Variants in MAP7D2 observed in about 807,000 individuals in gnomAD.
The protein encoded by MAP7D2 is MAP7 domain-containing protein 2.
In MAP7D2, 33 loss-of-function variants were observed where a neutral mutation model predicts 63.5. The observed-to-expected ratio is 0.52, with a 90% CI of 0.39 to 0.70. The LOEUF (loss-of-function observed/expected upper bound fraction) is 0.70. MAP7D2 is among the 30% of genes least tolerant of loss of function. The pLI is 0.00. For missense variants in MAP7D2, 626 were observed against 604.0 expected, an observed-to-expected ratio of 1.04 and a Z score of -0.38; for synonymous variants, 224 against 223.7, an observed-to-expected ratio of 1.00 and a Z score of -0.01.
chrX:20,036,222 C>G (rs1055095008), intron 8 of MAP7D2, among the ~76,000 whole-genome samples: 2 of 110,081 alleles, frequency 1.8e-5, no homozygotes, highest in Non-Finnish European at 3.8e-5. Context: ...AATATGTACA[C>G]CAAACCCCTG....
At chrX:20,038,221 C>G (rs146225630) in intron 8 of MAP7D2, among the ~76,000 whole-genome samples, 2,720 of 112,040 alleles carry the variant, frequency 0.024, 38 homozygotes, top group Non-Finnish European at 0.036. Context: ...ATAGGTTTGT[C>G]TATCCTGCAC....
chrX:20,090,730 T>C (rs755066576), intron 1 of MAP7D2, among the ~76,000 whole-genome samples: 27 of 112,299 alleles, frequency 2.4e-4, no homozygotes, highest in African/African-American at 8.7e-4. Flanking sequence ...GACCACAAGG[T>C]GGTTTGCACA....
intron 8 of MAP7D2, among the ~76,000 whole-genome samples, chrX:20,036,463 C>T: frequency 9.6e-6 from 1 of 104,092 alleles, no homozygotes; most frequent in East Asian, 3.2e-4. Context: ...AGGCTGGTCT[C>T]AAACACCTGA....
chrX:20,030,539 G>A (rs1442516732), intron 8 of MAP7D2, among the ~76,000 whole-genome samples: 1 of 111,717 alleles, frequency 9.0e-6, no homozygotes, highest in Non-Finnish European at 1.9e-5. Flanking sequence ...TCTCTGGAGA[G>A]GGTTGTCATG....
At chrX:20,056,107 G>C (rs1186071818) in intron 4 of MAP7D2, among the ~76,000 whole-genome samples, 2 of 111,760 alleles carry the variant, frequency 1.8e-5, no homozygotes, top group Admixed American at 1.9e-4. Flanking sequence ...GAAATGTAGT[G>C]AGACACTGAA....
At chrX:20,009,461 C>G (rs865975912) in intron 16 of MAP7D2, among the ~76,000 whole-genome samples, 1 of 110,006 alleles carries the variant, frequency 9.1e-6, no homozygotes, top group Non-Finnish European at 1.9e-5. Flanking sequence ...CTCAGGAGTT[C>G]GAGACCAGCT....
At chrX:20,063,040 T>TC in intron 3 of MAP7D2, among the ~76,000 whole-genome samples, 1 of 109,449 alleles carries the variant, frequency 9.1e-6, no homozygotes, top group Non-Finnish European at 1.9e-5. Flanking sequence ...TTTTTTTTTT[T>TC]CCCCTATCTA....
chrX:20,015,995 T>C, intron 11 of MAP7D2, 99 bp downstream of exon 11: 1 of 756,828 alleles, frequency 1.3e-6, no homozygotes, highest in Non-Finnish European at 2.0e-6. Context: ...AAGAAGAAAC[T>C]TCAAGTAAAC....
chrX:20,025,899 G>C lies in MAP7D2; in HGVS notation c.1061C>G (p.Pro354Arg). ...QSPKTTKPPY[P>R]GSPVKYRLPA... ...TAAGCGGTACTTCACAGGAGACCCT[G>C]GGTAGGGAGGTTTCGTTGTCTTTGG... Residue 354 changes from proline (P) to arginine (R), a missense_variant, in exon 9 of 17, where the codon CCA becomes CGA. By Grantham distance (103) the Pro-to-Arg change is moderately radical (BLOSUM62 -2). Transcript: ENST00000379643. The C allele has an allele frequency of 8.3e-7, 1 of 1,211,495 alleles. No homozygotes were observed. Among genetic ancestry groups the C allele is most frequent in the Non-Finnish European group, 1.1e-6 (1 of 895,296 alleles).
chrX:20,067,842 A>G (rs904945996), intron 1 of MAP7D2, among the ~76,000 whole-genome samples: 1 of 112,216 alleles, frequency 8.9e-6, no homozygotes, highest in Non-Finnish European at 1.9e-5. Flanking sequence ...GTCAAGTGTG[A>G]CTCATTAGAG....
chrX:20,019,078 G>A (rs111534673), intron 10 of MAP7D2, among the ~76,000 whole-genome samples: 9 of 109,505 alleles, frequency 8.2e-5, no homozygotes, highest in African/African-American at 2.7e-4. Context: ...CCAAGTTGGA[G>A]TGCAGTGCTG....
At chrX:20,014,745 T>C (rs947552532) in intron 12 of MAP7D2, among the ~76,000 whole-genome samples, 1 of 111,599 alleles carries the variant, frequency 9.0e-6, no homozygotes, top group African/African-American at 3.3e-5. Flanking sequence ...GGACAGGGTC[T>C]CACTCCTGTT....
chrX:20,039,907 G>A (rs1383590340), intron 8 of MAP7D2, among the ~76,000 whole-genome samples: 1 of 107,975 alleles, frequency 9.3e-6, no homozygotes, highest in Non-Finnish European at 1.9e-5. Flanking sequence ...GCTGAGGCAG[G>A]GGAATCGCTT....
At chrX:20,026,239 G>A (rs2073839998) in intron 8 of MAP7D2, among the ~76,000 whole-genome samples, 1 of 111,769 alleles carries the variant, frequency 8.9e-6, no homozygotes, top group Admixed American at 9.5e-5. Context: ...TGGAGTATTA[G>A]GCACTTCCCT....
chrX:20,012,544 G>A lies in MAP7D2; in HGVS notation c.1886-9C>T, dbSNP rs1330162790. On this transcript the variant is annotated splice_polypyrimidine_tract_variant and intron_variant, in intron 14 of 16. Coordinates refer to ENST00000379643, the MANE Select transcript of MAP7D2 (RefSeq NM_001168465.2). ...GTTCAATCCATTGATTTCTGATCGA[G>A]AACACAAAGTCCCTTGTGTTAATCA... 1.3e-5 allele frequency: 15 copies of A among 1,153,737 alleles called. No individual in the cohort carries two copies. In the South Asian group the frequency reaches 2.9e-4, roughly 23 times the overall value.
intron 8 of MAP7D2, among the ~76,000 whole-genome samples, chrX:20,032,420 G>A (rs1378233445): frequency 2.7e-5 from 3 of 110,879 alleles, no homozygotes; most frequent in African/African-American, 9.9e-5. Context: ...AGAAGCTTAT[G>A]GGAAGGGCAC....
intron 1 of MAP7D2, among the ~76,000 whole-genome samples, 178 bp from the exon 2 acceptor site, chrX:20,064,983 C>G (rs748303980): frequency 6.2e-5 from 7 of 112,213 alleles, no homozygotes; most frequent in Non-Finnish European, 1.3e-4. Context: ...AGCTGAGGGG[C>G]AGCAGCTACC....
chrX:20,067,920 A>G (rs763600454), intron 1 of MAP7D2, among the ~76,000 whole-genome samples: 13 of 112,319 alleles, frequency 1.2e-4, no homozygotes, highest in African/African-American at 3.9e-4. Context: ...GCTCCTGTCC[A>G]GGCAGGCTAA....
chrX:20,086,825 G>A (rs1450231891), intron 1 of MAP7D2, among the ~76,000 whole-genome samples: 3 of 111,405 alleles, frequency 2.7e-5, no homozygotes, highest in Non-Finnish European at 5.7e-5. Context: ...TGTTGCCCAG[G>A]CTGGAGTGCA....
Sources: allele counts gnomAD v4.1 joint callset (sites outside exome capture counted in the v4.1 genomes callset), GRCh38; gene constraint gnomAD v4.1.1; transcripts MANE v1.5; gene names NCBI Gene and HGNC (gene_info 2026-07-23, HGNC 2026-07-21).